The following FUS variants were observed in gnomAD, a reference collection of about 807,000 sequenced individuals.
FUS encodes the protein FUS RNA binding protein, also known as RNA-binding protein FUS.
A neutral mutation model predicts 82.7 loss-of-function variants in FUS; 5 were observed. The observed-to-expected ratio is 0.06, with a 90% CI of 0.03 to 0.13. The LOEUF (loss-of-function observed/expected upper bound fraction) is 0.13, where lower values mean the gene tolerates loss of function less well. Ranked by LOEUF, FUS falls within the 10% of genes least tolerant of loss-of-function variation. FUS has a pLI of 1.00. For synonymous variants in FUS, 281 were observed against 247.4 expected, an observed-to-expected ratio of 1.14 and a Z score of -1.27; for missense variants, 512 against 707.8, an observed-to-expected ratio of 0.72 and a Z score of 3.14.
At chr16:31,181,792 C>T (rs1318932347) in intron 1 of FUS, among the ~76,000 whole-genome samples, 1 of 152,200 alleles carries the variant, frequency 6.6e-6, no homozygotes, top group East Asian at 1.9e-4. Context: ...TTAGAGCAAT[C>T]ACTGACATGA....
Position 31,184,362 on chromosome 16 carries a change from C to G in FUS, c.489C>G (p.Ser163Arg). Residue 163 changes from serine (S) to arginine (R), a missense_variant, in exon 5 of 15, where the codon AGC (serine) becomes AGG (arginine). Physicochemically the swap from Ser to Arg is moderately radical, Grantham distance 110. Coordinates refer to ENST00000254108, the MANE Select transcript of FUS (RefSeq NM_004960.4). ...QGYGQQNQYN[S>R]SSGGGGGGGG... ...ATGGACAGCAGAACCAGTACAACAGCAGCAGTGGTGGTGGAGGTGGAGGTG... is the reference window on the plus strand; with the variant it reads ...ATGGACAGCAGAACCAGTACAACAGGAGCAGTGGTGGTGGAGGTGGAGGTG... 1 of 1,613,962 alleles carries G rather than the reference C, an allele frequency of 6.2e-7. No individual in the cohort carries two copies. The highest frequency in any genetic ancestry group is 8.5e-7 in the Non-Finnish European group (1 of 1,180,004).
chr16:31,187,424 G>A (rs2079287216), intron 7 of FUS: 1 of 234,080 alleles, frequency 4.3e-6, no homozygotes, highest in South Asian at 1.6e-4. Context: ...AGAAAGATTG[G>A]AAGCATGTGT....
rs1239400274 is a variant in FUS, at chr16:31,189,149, A to G, written c.859A>G (p.Ile287Val). Residue 287 changes from isoleucine to valine, a missense_variant, in exon 9 of 15, where the codon ATC becomes GTC. Physicochemically the swap from Ile to Val is conservative, Grantham distance 29. Transcript: ENST00000254108. ...ACAGGATAATTCAGACAACAACACC[A>G]TCTTTGTGCAAGGCCTGGGTGAGAA... ...SEQDNSDNNT[I>V]FVQGLGENVT... 6.2e-7 allele frequency: 1 copy of G among 1,613,834 alleles called. No individual in the cohort carries two copies. The highest frequency in any genetic ancestry group is 2.2e-5 in the East Asian group (1 of 44,878).
chr16:31,188,383 A>G, intron 8 of FUS, 26 bp downstream of exon 8: 1 of 1,613,362 alleles, frequency 6.2e-7, no homozygotes, highest in African/African-American at 1.3e-5. Flanking sequence ...GTGGCATGAA[A>G]AGAGTGGCTA....
At chr16:31,189,355 T>TTTGTTGAGGAAAGAGCC in intron 9 of FUS, 129 bp downstream of exon 9, 1 of 850,474 alleles carries the variant, frequency 1.2e-6, no homozygotes, top group Non-Finnish European at 2.0e-6. Flanking sequence ...GCCAGCTTAA[T>TTTGTTGAGGAAAGAGCC]TTGTTGAGGA....
chr16:31,191,869 ATTTATTTGCATACTGGTCTTAG>A (rs1314770014), downstream of FUS: 5 of 544,464 alleles, frequency 9.2e-6, no homozygotes, highest in Non-Finnish European at 1.8e-5. Context: ...CCTTTACCAC[ATTTATTTGCATACTGGTCTTAG>A]TTTATTTGCA....
intron 1 of FUS, among the ~76,000 whole-genome samples, chr16:31,180,669 T>G (rs935834028): frequency 1.3e-5 from 2 of 152,200 alleles, no homozygotes; most frequent in African/African-American, 4.8e-5. Flanking sequence ...CCGCCTCGTG[T>G]TGGTTCAGCT....
rs754835435 is a variant in FUS at position 31,190,805 on chromosome 16, A to G, written c.1356A>G (p.Pro452=). 2 of 1,614,126 alleles carry G rather than the reference A, an allele frequency of 1.2e-6. No individual in the cohort carries two copies. Among genetic ancestry groups the G allele is most frequent in the African/African-American group, 1.3e-5 (1 of 74,950 alleles). The part of the protein sequence containing the change: ...NECNQCKAPK[P]DGPGGGPGGS... ...GCAACCAGTGTAAGGCCCCTAAACC[A>G]GATGGCCCAGGAGGGGGACCAGGTG... is the stretch of plus-strand genomic sequence containing the variant. Residue 452 remains proline, a synonymous_variant, in exon 13 of 15, where the codon CCA becomes CCG. Transcript: ENST00000254108.
chr16:31,187,739 A>G, intron 7 of FUS: 1 of 235,050 alleles, frequency 4.3e-6, no homozygotes, highest in Non-Finnish European at 8.4e-6. Context: ...CATTACGGAA[A>G]TAAGATTTCT....
chr16:31,193,518 A>G, downstream of FUS: 1 of 529,382 alleles, frequency 1.9e-6, no homozygotes, highest in Non-Finnish European at 3.7e-6. Flanking sequence ...CCCTCCTGTT[A>G]GGAGTGGAGG....
In FUS at chr16:31,184,190, TTTTG is replaced by T. The variant is rs1489422462; in HGVS notation, c.336-11_336-8del. On this transcript the variant is annotated splice_polypyrimidine_tract_variant and intron_variant, in intron 4 of 14. Coordinates refer to ENST00000254108, the MANE Select transcript of FUS (RefSeq NM_004960.4). ...GCTATGCTGGGATTGTGATTGTGTT[TTTTG>T]TTTGTTTTCCCTAGTTACGGTAGCA... is the stretch of plus-strand genomic sequence containing the variant. 5.6e-6 allele frequency: 9 copies of T among 1,613,188 alleles called. 1 individual carries two copies. The East Asian group carries it at 8.9e-5, about 16-fold the overall frequency.
At chr16:31,188,773 G>A in intron 8 of FUS, 2 of 469,404 alleles carry the variant, frequency 4.3e-6, no homozygotes, top group East Asian at 3.8e-5. Context: ...TTGTGTACTA[G>A]ATTTGAATGT....
At position 31,190,418 on chromosome 16, in the gene FUS, T is replaced by A. The variant is rs577022193; in HGVS notation, c.1292+20T>A. ...TAATCCGTGAGTGAAACTTAATTTT[T>A]TTCTTAGTTCTCTTGCATGCGTGCT... On this transcript the variant is annotated intron_variant, in intron 12 of 14. Transcript: ENST00000254108. The A allele has an allele frequency of 4.3e-6, 7 of 1,614,098 alleles. No individual in the cohort carries two copies. The South Asian group carries it at 5.5e-5, about 13-fold the overall frequency.
intron 9 of FUS, 127 bp from the exon 10 acceptor site, chr16:31,189,538 G>A: frequency 7.7e-7 from 1 of 1,290,508 alleles, no homozygotes. Flanking sequence ...ATGTGAGGTA[G>A]GAAGAAGTAA....
intron 6 of FUS, chr16:31,186,413 C>G (rs762925925): frequency 5.2e-5 from 20 of 388,118 alleles, no homozygotes; most frequent in Non-Finnish European, 9.1e-5. Context: ...CTACCCCAGC[C>G]TGGTGTGAAA....
downstream of FUS, chr16:31,193,865 G>A: frequency 1.9e-6 from 1 of 527,152 alleles, no homozygotes; most frequent in Non-Finnish European, 3.7e-6. Context: ...GCCCAGGCTG[G>A]TCTTGAACTG....
At chr16:31,182,155 A>T (rs997640991) in intron 1 of FUS, 3 of 505,046 alleles carry the variant, frequency 5.9e-6, no homozygotes, top group Non-Finnish European at 1.1e-5. Flanking sequence ...ATGCCCGGCT[A>T]ATTTTTTGTA....
Position 31,190,718 on chromosome 16 carries a change from CTGAT to C in FUS, c.1293-21_1293-18del. ...CTTGCCTATTCCCCATCGCTCCAGA[CTGAT>C]TGTCTTCCTTTCTCCTTAGCACCTG... On this transcript the variant is annotated intron_variant, in intron 12 of 14. Transcript: ENST00000254108. 6.2e-7 allele frequency: 1 copy of C among 1,602,488 alleles called. No individual in the cohort carries two copies. The highest frequency in any genetic ancestry group is 1.7e-5 in the Admixed American group (1 of 60,014).
chr16:31,190,996 G>C lies in FUS; in HGVS notation c.1427G>C (p.Arg476Thr). The C allele has an allele frequency of 6.2e-7, 1 of 1,613,828 alleles. No individual in the cohort carries two copies. Among genetic ancestry groups the C allele is most frequent in the Non-Finnish European group, 8.5e-7 (1 of 1,179,848 alleles). Residue 476 changes from arginine (R) to threonine (T), a missense_variant, in exon 14 of 15, where the codon AGA becomes ACA. Coordinates refer to ENST00000254108, the MANE Select transcript of FUS (RefSeq NM_004960.4). Reference protein sequence around the residue: ...GNYGDDRRGGRGGYDRGGYRG... With the variant: ...GNYGDDRRGGTGGYDRGGYRG... ...TACGGGGATGATCGTCGTGGTGGCA[G>C]AGGAGGCTATGATCGAGGCGGCTAC...
Sources: gnomAD v4.1 joint callset for allele counts (sites outside exome capture counted in the v4.1 genomes callset) on GRCh38, gnomAD v4.1.1 for gene constraint, MANE v1.5 for transcripts, NCBI Gene and HGNC (gene_info 2026-07-23, HGNC 2026-07-21) for gene names.